HPSE2: variants seen among roughly 807,000 people sequenced by gnomAD.
HPSE2 encodes heparanase 2 (inactive).
Under a neutral mutation model 60.5 loss-of-function variants are expected in HPSE2, and 38 were observed. That is an observed-to-expected ratio of 0.63 (90% confidence interval 0.48 to 0.82). HPSE2 has a LOEUF of 0.82. HPSE2 is among the 40% of genes least tolerant of loss of function. The pLI is 0.00. For missense variants in HPSE2, 713 were observed against 740.4 expected (o/e 0.96, Z 0.43); for synonymous variants, 295 against 293.2 (o/e 1.01, Z -0.06).
At chr10:99,028,859 A>G (rs917405912) in intron 3 of HPSE2, among the ~76,000 whole-genome samples, 1 of 152,196 alleles carries the variant, frequency 6.6e-6, no homozygotes, top group Non-Finnish European at 1.5e-5. Context: ...ATTTTTGACA[A>G]AAGTGCCAAG....
At chr10:99,083,748 G>A (rs1843222160) in intron 3 of HPSE2, among the ~76,000 whole-genome samples, 1 of 152,062 alleles carries the variant, frequency 6.6e-6, no homozygotes, top group South Asian at 2.1e-4. Flanking sequence ...CTTGGGAAGA[G>A]GTATTTGTTG....
intron 3 of HPSE2, among the ~76,000 whole-genome samples, chr10:98,980,697 G>GTTAGGTTACGGT (rs1193435157): frequency 1.7e-4 from 26 of 152,164 alleles, no homozygotes; most frequent in African/African-American, 6.0e-4. Context: ...TACCTACTAA[G>GTTAGGTTACGGT]TTAGGTTACG....
intron 3 of HPSE2, among the ~76,000 whole-genome samples, chr10:98,793,437 A>C (rs192364792): frequency 6.6e-6 from 1 of 152,226 alleles, no homozygotes; most frequent in African/African-American, 2.4e-5. Flanking sequence ...TTCTTTGTAC[A>C]TATAAATGTA....
At chr10:99,256,794 C>T in the HPSE2 span, among the ~76,000 whole-genome samples, 8 of 152,160 alleles carry the variant, frequency 5.3e-5, no homozygotes, top group African/African-American at 1.9e-4. Context: ...TGGCTCACGC[C>T]TGTAATCCCA....
intron 3 of HPSE2, among the ~76,000 whole-genome samples, chr10:99,141,536 C>G (rs1260292378): frequency 6.6e-6 from 1 of 152,160 alleles, no homozygotes; most frequent in Non-Finnish European, 1.5e-5. Context: ...ATAAGGAATA[C>G]TTCAACGAAG....
intron 2 of HPSE2, among the ~76,000 whole-genome samples, chr10:99,170,578 C>T (rs1437253701): frequency 6.6e-6 from 1 of 152,152 alleles, no homozygotes; most frequent in East Asian, 1.9e-4. Context: ...GATTTTTCAT[C>T]GGTACACTAG....
At chr10:99,101,344 C>A (rs1207446126) in intron 3 of HPSE2, among the ~76,000 whole-genome samples, 1 of 152,118 alleles carries the variant, frequency 6.6e-6, no homozygotes, top group Non-Finnish European at 1.5e-5. Context: ...CAATCCTAGT[C>A]TCTCATAAAA....
At chr10:99,280,075 T>G in the HPSE2 span, among the ~76,000 whole-genome samples, 1 of 152,196 alleles carries the variant, frequency 6.6e-6, no homozygotes, top group South Asian at 2.1e-4. Context: ...GGCTTTGCCA[T>G]TAACTGTTGT....
chr10:99,156,866 C>T lies in HPSE2; in HGVS notation c.449-12467G>A, dbSNP rs773972103. Among the ~76,000 whole-genome samples, 19 of 77,110 alleles carry T rather than the reference C, an allele frequency of 2.5e-4. 4 individuals carry two copies. The highest frequency in any genetic ancestry group is 5.3e-4 in the African/African-American group (19 of 35,674). 50.6% of individuals were successfully genotyped at this position (77,110 alleles called of 152,430 possible). On this transcript the variant is annotated intron_variant, in intron 2 of 11. Transcript: ENST00000370552. Reference sequence around the variant, plus strand: ...TCTAGAAAACCCCATTGTCTCAGCCCGAAATCTCCTTAAGCTGATAAGCAA... The same window carrying T: ...TCTAGAAAACCCCATTGTCTCAGCCTGAAATCTCCTTAAGCTGATAAGCAA...
At chr10:99,302,880 T>G in the HPSE2 span, among the ~76,000 whole-genome samples, 1 of 151,028 alleles carries the variant, frequency 6.6e-6, no homozygotes, top group Admixed American at 6.6e-5. Context: ...TGGGGAGGAC[T>G]GGCAACTAGA....
intron 9 of HPSE2, among the ~76,000 whole-genome samples, chr10:98,593,250 G>C (rs1304548436): frequency 1.3e-5 from 2 of 152,164 alleles, no homozygotes; most frequent in African/African-American, 4.8e-5. Flanking sequence ...CAGGGAATAT[G>C]GAAATATGGC....
chr10:99,241,545 C>T, the HPSE2 span, among the ~76,000 whole-genome samples: 2 of 151,986 alleles, frequency 1.3e-5, no homozygotes, highest in Admixed American at 6.6e-5. Flanking sequence ...TTGCTCGAGC[C>T]CAGGAGTTTG....
rs66481971 is a variant in HPSE2, at chr10:98,781,306, T to TTTTTTTTTTTTTTTG, written c.611-37251_611-37250insCAAAAAAAAAAAAAA. The stretch of plus-strand genomic sequence containing the variant: ...CCACTTCTTTTTTTTTTTTTTTTTT[T>TTTTTTTTTTTTTTTG]ATTTTTAAATTTGGTATTGGAGTAA... On this transcript the variant is annotated intron_variant, in intron 3 of 11. Transcript: ENST00000370552. Among the ~76,000 whole-genome samples the TTTTTTTTTTTTTTTG allele has an allele frequency of 4.2e-5, 5 of 120,106 alleles. 1 individual carries two copies. The highest frequency in any genetic ancestry group is 5.1e-5 in the Non-Finnish European group (3 of 59,380). The allele number at this position is 120,106 out of a possible 152,430, so 78.8% of individuals were successfully genotyped here.
At chr10:98,775,857 A>G (rs952862774) in intron 3 of HPSE2, among the ~76,000 whole-genome samples, 1 of 152,154 alleles carries the variant, frequency 6.6e-6, no homozygotes, top group Non-Finnish European at 1.5e-5. Context: ...CTACCCCAAT[A>G]AATCTGTTTC....
At chr10:99,130,299 C>A (rs1281910290) in intron 3 of HPSE2, among the ~76,000 whole-genome samples, 1 of 152,078 alleles carries the variant, frequency 6.6e-6, no homozygotes, top group African/African-American at 2.4e-5. Context: ...CACCTTCATA[C>A]CAAAACCAAG....
the HPSE2 span, among the ~76,000 whole-genome samples, chr10:99,284,455 C>T: frequency 6.6e-6 from 1 of 152,122 alleles, no homozygotes; most frequent in Admixed American, 6.5e-5. Context: ...AGCTGGACCT[C>T]ACCTTACACC....
chr10:98,666,643 C>T (rs1332064594), intron 6 of HPSE2, among the ~76,000 whole-genome samples: 1 of 152,076 alleles, frequency 6.6e-6, no homozygotes, highest in East Asian at 1.9e-4. Context: ...CTCAGAACTA[C>T]ACAAAAACAT....
intron 11 of HPSE2, among the ~76,000 whole-genome samples, chr10:98,470,315 G>A (rs549898411): frequency 5.3e-5 from 8 of 152,324 alleles, no homozygotes; most frequent in African/African-American, 1.9e-4. Context: ...AGATCCCACA[G>A]ATATCCAAGT....
At chr10:99,206,020 C>T (rs1211189702) in intron 2 of HPSE2, among the ~76,000 whole-genome samples, 1 of 152,064 alleles carries the variant, frequency 6.6e-6, no homozygotes, top group Non-Finnish European at 1.5e-5. Context: ...GGAAGTGCTC[C>T]CAAGAAGCCA....
Sources: gnomAD v4.1 joint callset for allele counts (sites outside exome capture counted in the v4.1 genomes callset) on GRCh38, gnomAD v4.1.1 for gene constraint, MANE v1.5 for transcripts, NCBI Gene and HGNC (gene_info 2026-07-23, HGNC 2026-07-21) for gene names.